The following CABIN1 variants were observed in gnomAD, a reference collection of about 807,000 sequenced individuals.
CABIN1 encodes calcineurin binding protein 1.
Under a neutral mutation model 227.7 loss-of-function variants are expected in CABIN1, and 133 were observed. The ratio of observed to expected loss-of-function variants is 0.58; its 90% confidence interval spans 0.51 to 0.67. The LOEUF (loss-of-function observed/expected upper bound fraction) is 0.67. Among genes scored for constraint, CABIN1 ranks in the 30% least tolerant of loss-of-function variants. The pLI is 0.00. For missense variants in CABIN1, 2,408 were observed against 2,852.5 expected (o/e 0.84, Z 3.55); for synonymous variants, 1,086 against 1,155.1 (o/e 0.94, Z 1.21).
chr22:24,025,231 C>CA (rs1163560711), intron 1 of CABIN1, among the ~76,000 whole-genome samples: 1 of 152,194 alleles, frequency 6.6e-6, no homozygotes, highest in East Asian at 1.9e-4. Context: ...ACTATTTTTG[C>CA]AAAATGTATT....
At chr22:24,130,146 A>G (rs2043984994) in intron 28 of CABIN1, among the ~76,000 whole-genome samples, 2 of 152,208 alleles carry the variant, frequency 1.3e-5, no homozygotes, top group Admixed American at 6.5e-5. Flanking sequence ...AATGCAGCCA[A>G]GGAAAATGTG....
intron 32 of CABIN1, 41 bp from the exon 33 acceptor site, chr22:24,168,406 A>G: frequency 6.5e-7 from 1 of 1,545,882 alleles, no homozygotes. Context: ...GGCTAACCAC[A>G]ATGGCCTGCG....
chr22:24,159,717 C>T (rs1053618814), intron 29 of CABIN1, among the ~76,000 whole-genome samples: 2 of 152,170 alleles, frequency 1.3e-5, no homozygotes, highest in Non-Finnish European at 2.9e-5. Flanking sequence ...GGTGTGGCAG[C>T]AGGGGACAGC....
Position 24,060,153 on chromosome 22 carries a change from C to T in CABIN1, c.1617+12C>T. 1 of 1,610,744 alleles carries T rather than the reference C, an allele frequency of 6.2e-7. No individual in the cohort carries two copies. Among genetic ancestry groups the T allele is most frequent in the Non-Finnish European group, 8.5e-7 (1 of 1,178,368 alleles). ...ACAAGCACATCAAGGTTAGGGGGAG[C>T]CTCTCAAGGGCTGGTATTGAACTGG... On this transcript the variant is annotated intron_variant, in intron 12 of 36. Coordinates refer to ENST00000263119, the MANE Select transcript of CABIN1 (RefSeq NM_012295.4).
intron 10 of CABIN1, among the ~76,000 whole-genome samples, chr22:24,057,384 C>T (rs976248785): frequency 6.6e-6 from 1 of 152,194 alleles, no homozygotes; most frequent in Non-Finnish European, 1.5e-5. Context: ...AGAGGCCTCT[C>T]TCGGCAGACA....
At chr22:24,035,378 C>T (rs1472178431) in intron 1 of CABIN1, 66 bp from the exon 2 acceptor site, 8 of 1,089,494 alleles carry the variant, frequency 7.3e-6, no homozygotes, top group South Asian at 1.3e-5. Flanking sequence ...TCCTGGTGGA[C>T]CTTGGCACTG....
chr22:24,175,761 A>G, intron 34 of CABIN1: 1 of 418,352 alleles, frequency 2.4e-6, no homozygotes, highest in Non-Finnish European at 4.5e-6. Flanking sequence ...AGCTGGAGGG[A>G]GAGTGGACAC....
intron 10 of CABIN1, 114 bp from the exon 11 acceptor site, chr22:24,059,113 C>T: frequency 7.1e-7 from 1 of 1,398,670 alleles, no homozygotes; most frequent in Non-Finnish European, 1.0e-6. Flanking sequence ...CCACCACCCA[C>T]TTATTTTAGC....
intron 26 of CABIN1, among the ~76,000 whole-genome samples, chr22:24,102,627 T>C (rs2042271450): frequency 2.0e-5 from 3 of 151,954 alleles, no homozygotes; most frequent in African/African-American, 7.3e-5. Context: ...GGCCTGTTGG[T>C]GGGGTAAGAG....
chr22:24,167,993 C>T (rs1230039537), intron 32 of CABIN1, among the ~76,000 whole-genome samples: 1 of 152,214 alleles, frequency 6.6e-6, no homozygotes, highest in Non-Finnish European at 1.5e-5. Flanking sequence ...CAGGTTCTAG[C>T]TCAGAAGACT....
At position 24,036,108 on chromosome 22, in the gene CABIN1, A is replaced by G; in HGVS notation, c.23A>G (p.Asn8Ser). 6.2e-7 allele frequency: 1 copy of G among 1,613,372 alleles called. No homozygotes were observed. Among genetic ancestry groups the G allele is most frequent in the Non-Finnish European group, 8.5e-7 (1 of 1,179,458 alleles). Reference sequence around the variant, plus strand: ...TTCTAGATTCGAATTGCAGCCTTAAATGCCAGCTCCACCATTGAGGATGAT... The same window carrying G: ...TTCTAGATTCGAATTGCAGCCTTAAGTGCCAGCTCCACCATTGAGGATGAT... MIRIAAL[N>S]ASSTIEDDHE... Residue 8 changes from asparagine to serine, a missense_variant, in exon 3 of 37, where the codon AAT becomes AGT. Around this residue, in one of 3 missense-constraint regions of CABIN1, gnomAD observed 1,045 missense variants for 1,168.4 expected, o/e 0.89. Transcript: ENST00000263119.
In CABIN1 at chr22:24,073,127, A is replaced by G. The variant is rs536165714; in HGVS notation, c.2632+617A>G. On this transcript the variant is annotated intron_variant, in intron 18 of 36. Coordinates refer to ENST00000263119, the MANE Select transcript of CABIN1 (RefSeq NM_012295.4). ...GGCGAGCCCCAGACCCTTAATGGAG[A>G]TGGCAATGGATCCATAGTCAGTGCA... is the stretch of plus-strand genomic sequence containing the variant. Among the ~76,000 whole-genome samples the G allele has an allele frequency of 3.3e-5, 5 of 152,080 alleles. No individual in the cohort carries two copies. In the South Asian group the frequency reaches 1.0e-3, roughly 32 times the overall value.
At chr22:24,134,761 C>T (rs1402074091) in intron 29 of CABIN1, among the ~76,000 whole-genome samples, 1 of 152,180 alleles carries the variant, frequency 6.6e-6, no homozygotes, top group Non-Finnish European at 1.5e-5. Context: ...GTCTCAAGCA[C>T]GTAGGAGATT....
intron 29 of CABIN1, among the ~76,000 whole-genome samples, chr22:24,153,147 A>G (rs1351262073): frequency 6.6e-6 from 1 of 152,152 alleles, no homozygotes; most frequent in African/African-American, 2.4e-5. Context: ...GTGTGAAGGT[A>G]CTTACTTGGA....
intron 26 of CABIN1, 137 bp from the exon 27 acceptor site, chr22:24,113,429 C>G: frequency 1.2e-6 from 1 of 833,762 alleles, no homozygotes; most frequent in Non-Finnish European, 2.1e-6. Context: ...CCAGCAGTGT[C>G]GAATGGCTGT....
chr22:24,116,186 TTC>T (rs2043075121), intron 27 of CABIN1, among the ~76,000 whole-genome samples: 2 of 151,944 alleles, frequency 1.3e-5, no homozygotes, highest in African/African-American at 2.4e-5. Flanking sequence ...GGGGCAGAGC[TTC>T]AAAAAAAAAA....
At chr22:24,019,468 T>C (rs897217990) in intron 1 of CABIN1, among the ~76,000 whole-genome samples, 1 of 151,606 alleles carries the variant, frequency 6.6e-6, no homozygotes, top group Non-Finnish European at 1.5e-5. Flanking sequence ...TTGGCCAGGA[T>C]GGTCTCGAAC....
intron 28 of CABIN1, among the ~76,000 whole-genome samples, chr22:24,120,757 G>A (rs2043362116): frequency 6.6e-6 from 1 of 152,220 alleles, no homozygotes; most frequent in South Asian, 2.1e-4. Flanking sequence ...AGGTTGCAGT[G>A]AGCCAAGATT....
chr22:24,134,475 G>A (rs139023853), intron 29 of CABIN1, 60 bp downstream of exon 29: 1 of 1,419,818 alleles, frequency 7.0e-7, no homozygotes, highest in East Asian at 2.4e-5. Flanking sequence ...TTCACTGAAG[G>A]CGCATGAATT....
Sources: gnomAD v4.1 joint callset for allele counts (sites outside exome capture counted in the v4.1 genomes callset) on GRCh38, gnomAD v4.1.1 for gene constraint, gnomAD v4.1.1 regional missense constraint, MANE v1.5 for transcripts, NCBI Gene and HGNC (gene_info 2026-07-23, HGNC 2026-07-21) for gene names.